The following RELN variants were observed in gnomAD, a reference collection of about 807,000 sequenced individuals.
RELN encodes the protein reelin.
Under a neutral mutation model 427.6 loss-of-function variants are expected in RELN, and 108 were observed. The ratio of observed to expected loss-of-function variants is 0.25; its 90% confidence interval spans 0.22 to 0.30. The LOEUF (loss-of-function observed/expected upper bound fraction) is 0.30. Ranked by LOEUF, RELN falls within the 10% of genes least tolerant of loss-of-function variation. The probability of loss-of-function intolerance (pLI) is 1.00; values close to 1 mark genes in which losing one functional copy is unlikely to be tolerated. For missense variants in RELN, 3,715 were observed against 4,302.8 expected (o/e 0.86, Z 3.82); for synonymous variants, 1,524 against 1,513.4 (o/e 1.01, Z -0.16).
chr7:103,938,811 G>A (rs1356681083), intron 1 of RELN, among the ~76,000 whole-genome samples: 1 of 152,078 alleles, frequency 6.6e-6, no homozygotes, highest in South Asian at 2.1e-4. Flanking sequence ...AGCAGCTTTC[G>A]GGAGTAGATG....
At chr7:103,886,728 T>A (rs954628737) in intron 2 of RELN, among the ~76,000 whole-genome samples, 3 of 152,216 alleles carry the variant, frequency 2.0e-5, no homozygotes, top group Admixed American at 1.3e-4. Context: ...CAATCCCTAA[T>A]GAAATGTCAT....
chr7:103,531,729 T>C (rs1829943943), intron 46 of RELN, among the ~76,000 whole-genome samples: 1 of 152,154 alleles, frequency 6.6e-6, no homozygotes, highest in Non-Finnish European at 1.5e-5. Context: ...CTATTTGTTT[T>C]CTGGTTAGAA....
chr7:103,934,026 G>A (rs1795923865), intron 1 of RELN, among the ~76,000 whole-genome samples: 1 of 152,140 alleles, frequency 6.6e-6, no homozygotes, highest in Admixed American at 6.5e-5. Context: ...TTCGGTTCTT[G>A]TTCTTTAAGT....
At chr7:103,734,224 T>C (rs1790435230) in intron 6 of RELN, among the ~76,000 whole-genome samples, 2 of 152,220 alleles carry the variant, frequency 1.3e-5, no homozygotes, top group South Asian at 4.1e-4. Flanking sequence ...CAGAGATTTG[T>C]GGGAAGAAGG....
intron 36 of RELN, among the ~76,000 whole-genome samples, chr7:103,559,572 A>AT (rs71829071): frequency 1.3e-3 from 193 of 150,118 alleles, no homozygotes; most frequent in African/African-American, 2.5e-3. Context: ...AAAGCCTTGG[A>AT]TTTTTTTTTT....
chr7:103,702,643 C>G (rs756670), intron 8 of RELN, among the ~76,000 whole-genome samples: 91,115 of 151,964 alleles, frequency 0.6, 28,123 homozygotes, highest in African/African-American at 0.75. Context: ...AAAACAAAAA[C>G]GCACCCAGCA....
intron 31 of RELN, among the ~76,000 whole-genome samples, chr7:103,570,054 A>C (rs1319786860): frequency 6.6e-6 from 1 of 152,232 alleles, no homozygotes; most frequent in African/African-American, 2.4e-5. Flanking sequence ...ACATTTTAAC[A>C]ACCAGTTTTC....
Position 103,498,094 on chromosome 7 carries a change from C to T in RELN, c.8826G>A (p.Leu2942=), listed in dbSNP as rs1242319171. Residue 2942 remains leucine (L), a synonymous_variant, in exon 54 of 65, where the codon TTG becomes TTA. Transcript: ENST00000428762. ...TCACTTACTTTGCACCTCGAAGATC[C>T]AAATCTTGTGTAACCGCTTGTCTCA... The part of the protein sequence containing the change: ...STVRQAVTQD[L]DLRGAKFLQY... 6.2e-7 allele frequency: 1 copy of T among 1,614,098 alleles called. No individual in the cohort carries two copies. Among genetic ancestry groups the T allele is most frequent in the African/African-American group, 1.3e-5 (1 of 75,026 alleles).
intron 2 of RELN, among the ~76,000 whole-genome samples, chr7:103,911,072 C>T (rs1336836952): frequency 6.9e-6 from 1 of 143,996 alleles, no homozygotes; most frequent in Non-Finnish European, 1.5e-5. Flanking sequence ...AGGCAACCTA[C>T]AACATGGGAG....
In RELN at chr7:103,945,781, C is replaced by T. The variant is rs371007747; in HGVS notation, c.227-28596G>A. On this transcript the variant is annotated intron_variant, in intron 1 of 64. Coordinates refer to ENST00000428762, the MANE Select transcript of RELN (RefSeq NM_005045.4). ...CTAAGATGATAATACCATATTTTTA[C>T]GGTACCTTTTCTACATTCAGGTATC... Among the ~76,000 whole-genome samples the T allele has an allele frequency of 1.7e-4, 26 of 152,218 alleles. No homozygotes were observed. The East Asian group carries it at 3.7e-3, about 21-fold the overall frequency.
At chr7:103,654,838 A>T (rs183259199) in intron 12 of RELN, among the ~76,000 whole-genome samples, 45 of 152,198 alleles carry the variant, frequency 3.0e-4, no homozygotes, top group African/African-American at 1.1e-3. Flanking sequence ...AGCAATTAAG[A>T]TCATCTTGAT....
chr7:103,815,931 A>AT (rs1446055260), intron 3 of RELN, among the ~76,000 whole-genome samples: 2 of 152,318 alleles, frequency 1.3e-5, no homozygotes, highest in African/African-American at 2.4e-5. Context: ...AAAAACACTT[A>AT]TTTTTTAAGT....
chr7:103,783,681 T>A (rs262353), intron 3 of RELN, among the ~76,000 whole-genome samples: 1,867 of 152,312 alleles, frequency 0.012, 24 homozygotes, highest in African/African-American at 0.041. Flanking sequence ...CAAAGTGTAC[T>A]TTTTATTAGC....
intron 2 of RELN, among the ~76,000 whole-genome samples, chr7:103,886,056 T>C (rs1166982873): frequency 6.6e-6 from 1 of 152,198 alleles, no homozygotes; most frequent in Non-Finnish European, 1.5e-5. Flanking sequence ...TTATGTGAAG[T>C]GACTAAATAT....
chr7:103,545,977 T>TA (rs71519152), intron 41 of RELN, among the ~76,000 whole-genome samples: 5,515 of 152,238 alleles, frequency 0.036, 156 homozygotes, highest in South Asian at 0.15. Context: ...TAACCTTTTT[T>TA]AAAAAAACTG....
chr7:103,776,653 T>G (rs369429770), intron 3 of RELN, 26 bp from the exon 4 acceptor site: 12 of 1,609,734 alleles, frequency 7.5e-6, no homozygotes, highest in Non-Finnish European at 9.4e-6. Flanking sequence ...AAAAGGTTAA[T>G]TCAACTCTTG....
Position 103,545,353 on chromosome 7 carries a change from G to A in RELN, c.6303-9C>T, listed in dbSNP as rs200658237. The A allele has an allele frequency of 6.3e-6, 10 of 1,596,184 alleles. No homozygotes were observed. In the East Asian group the frequency reaches 1.6e-4, roughly 25 times the overall value. On this transcript the variant is annotated splice_polypyrimidine_tract_variant and intron_variant, in intron 41 of 64. Transcript: ENST00000428762. ...ATCTGAAACGGACAGATCTGGAAAAGAGGACAAGTCTTTCAAAAGCTAATC... is the reference window on the plus strand; with the variant it reads ...ATCTGAAACGGACAGATCTGGAAAAAAGGACAAGTCTTTCAAAAGCTAATC...
At chr7:103,651,861 C>T in intron 14 of RELN, 72 bp from the exon 15 acceptor site, 2 of 1,511,466 alleles carry the variant, frequency 1.3e-6, no homozygotes, top group Non-Finnish European at 1.8e-6. Context: ...AAATTTTCAA[C>T]TCTGGTTAAG....
intron 63 of RELN, among the ~76,000 whole-genome samples, chr7:103,480,418 A>G (rs563078892): frequency 5.3e-5 from 8 of 152,302 alleles, no homozygotes; most frequent in African/African-American, 1.4e-4. Context: ...TGAAGTAATT[A>G]TTTTGTAGAG....
Sources: gnomAD v4.1 joint callset for allele counts (sites outside exome capture counted in the v4.1 genomes callset) on GRCh38, gnomAD v4.1.1 for gene constraint, MANE v1.5 for transcripts, NCBI Gene and HGNC (gene_info 2026-07-23, HGNC 2026-07-21) for gene names.